The following GPD2 variants were observed in gnomAD, a reference collection of about 807,000 sequenced individuals.
The protein encoded by GPD2 is glycerol-3-phosphate dehydrogenase 2.
GPD2 carries 54 observed loss-of-function variants against 82.4 expected under a neutral mutation model. The observed-to-expected ratio is 0.66, with a 90% confidence interval of 0.53 to 0.82. GPD2 has a LOEUF of 0.82. Among genes scored for constraint, GPD2 ranks in the 40% least tolerant of loss-of-function variants. The probability of loss-of-function intolerance (pLI) is 0.00; values close to 1 mark genes in which losing one functional copy is unlikely to be tolerated. For synonymous variants in GPD2, 288 were observed against 306.1 expected (o/e 0.94, Z 0.62); for missense variants, 748 against 896.2 (o/e 0.83, Z 2.11).
chr2:156,500,250 T>G (rs1684539627), intron 3 of GPD2, among the ~76,000 whole-genome samples: 2 of 152,186 alleles, frequency 1.3e-5, no homozygotes, highest in Non-Finnish European at 2.9e-5. Context: ...AACTTTAGCT[T>G]GTATTTCTCT....
At chr2:156,476,381 G>A (rs1480242771) in intron 2 of GPD2, among the ~76,000 whole-genome samples, 174 bp downstream of exon 2, 1 of 152,228 alleles carries the variant, frequency 6.6e-6, no homozygotes, top group East Asian at 1.9e-4. Context: ...AGAACTGTGT[G>A]TATCTCCTTT....
At chr2:156,526,296 C>T (rs1685604656) in intron 6 of GPD2, among the ~76,000 whole-genome samples, 1 of 152,220 alleles carries the variant, frequency 6.6e-6, no homozygotes, top group East Asian at 1.9e-4. Context: ...AACAATGACA[C>T]ATCCACTAGT....
At chr2:156,492,280 A>G (rs991489301) in intron 2 of GPD2, among the ~76,000 whole-genome samples, 1 of 145,598 alleles carries the variant, frequency 6.9e-6, no homozygotes, top group African/African-American at 2.6e-5. Context: ...CAGCCTCCTG[A>G]GTAGCTGGAA....
At chr2:156,501,575 A>T (rs1684586069) in intron 3 of GPD2, among the ~76,000 whole-genome samples, 1 of 152,132 alleles carries the variant, frequency 6.6e-6, no homozygotes, top group Non-Finnish European at 1.5e-5. Flanking sequence ...GAAAAGGGAG[A>T]GCCTTGGAGA....
At chr2:156,512,461 T>A in intron 5 of GPD2, 144 bp downstream of exon 5, 1 of 677,220 alleles carries the variant, frequency 1.5e-6, no homozygotes. Context: ...GTATTTTCCT[T>A]TGTTGTATTT....
intron 1 of GPD2, among the ~76,000 whole-genome samples, chr2:156,475,337 CT>C (rs769679857): frequency 2.2e-4 from 33 of 150,980 alleles, no homozygotes; most frequent in South Asian, 2.1e-4. Flanking sequence ...AAAGTATACT[CT>C]TTTTTTTTGA....
upstream of GPD2, among the ~76,000 whole-genome samples, chr2:156,434,480 TATTA>T (rs1388762194): frequency 2.0e-5 from 3 of 152,098 alleles, no homozygotes; most frequent in Non-Finnish European, 4.4e-5. Context: ...AAAAACAAAC[TATTA>T]ATTGTCTATA....
At chr2:156,458,832 G>A (rs1465086735) in intron 1 of GPD2, among the ~76,000 whole-genome samples, 1 of 151,764 alleles carries the variant, frequency 6.6e-6, no homozygotes, top group African/African-American at 2.4e-5. Context: ...CTAATTACAA[G>A]AATAATTCAT....
chr2:156,403,612 G>GT, the GPD2 span, among the ~76,000 whole-genome samples: 1 of 148,008 alleles, frequency 6.8e-6, no homozygotes, highest in African/African-American at 2.5e-5. Flanking sequence ...GCATTCAAAG[G>GT]GTGTGTGTGT....
upstream of GPD2, among the ~76,000 whole-genome samples, chr2:156,434,300 C>T (rs1004167920): frequency 2.0e-5 from 3 of 152,068 alleles, no homozygotes; most frequent in Admixed American, 2.0e-4. Flanking sequence ...GATAGGGTTT[C>T]ACCATGTTGG....
rs188342312 is a variant in GPD2 at position 156,474,891 on chromosome 2, G to A, written c.-8-1207G>A. 2.0e-4 allele frequency among the ~76,000 whole-genome samples: 30 copies of A among 151,218 alleles called. No homozygotes were observed. The Middle Eastern group carries it at 0.017, about 86-fold the overall frequency. ...AGCACTTTGGGAAGCCAAGGTAGGA[G>A]ATTGCTTGAGTCCAGTTTGGGCAAC... On this transcript the variant is annotated intron_variant, in intron 1 of 16. Coordinates refer to ENST00000438166, the MANE Select transcript of GPD2 (RefSeq NM_000408.5).
chr2:156,455,744 A>AT (rs1255799284), intron 1 of GPD2, among the ~76,000 whole-genome samples: 1 of 25,272 alleles, frequency 4.0e-5, no homozygotes, highest in African/African-American at 4.9e-5. Flanking sequence ...CCTTGTCCTT[A>AT]TTTTTATCAT....
chr2:156,582,960 A>G lies in GPD2; in HGVS notation c.*42A>G. The G allele has an allele frequency of 6.2e-7, 1 of 1,607,684 alleles. No individual in the cohort carries two copies. The highest frequency in any genetic ancestry group is 8.5e-7 in the Non-Finnish European group (1 of 1,174,844). ...CACAGCCAACAAACATAGAAACGAC[A>G]AATCACCATGTAACAACCAGAGATG... On this transcript the variant is annotated 3_prime_UTR_variant, in exon 17 of 17. Transcript: ENST00000438166.
chr2:156,551,476 C>G (rs902783883), intron 8 of GPD2, among the ~76,000 whole-genome samples: 1 of 152,052 alleles, frequency 6.6e-6, no homozygotes, highest in Non-Finnish European at 1.5e-5. Flanking sequence ...AGAAGAAATT[C>G]GTATGGCCAT....
intron 1 of GPD2, among the ~76,000 whole-genome samples, chr2:156,459,600 A>G (rs1291562038): frequency 7.0e-6 from 1 of 143,258 alleles, no homozygotes; most frequent in African/African-American, 2.6e-5. Context: ...ATGCAGGAGA[A>G]TCGCTTGAAC....
the GPD2 span, among the ~76,000 whole-genome samples, chr2:156,430,168 T>C: frequency 6.6e-6 from 1 of 152,196 alleles, no homozygotes; most frequent in Admixed American, 6.5e-5. Flanking sequence ...ATGCTTGTGA[T>C]CTAGGGAGGA....
intron 13 of GPD2, among the ~76,000 whole-genome samples, chr2:156,573,755 A>C (rs943771171): frequency 2.0e-5 from 3 of 152,170 alleles, no homozygotes; most frequent in African/African-American, 7.2e-5. Context: ...GAGATGTAGG[A>C]GTATTAATGA....
chr2:156,453,634 C>G (rs1003620676), intron 1 of GPD2, among the ~76,000 whole-genome samples: 3 of 152,056 alleles, frequency 2.0e-5, no homozygotes, highest in Non-Finnish European at 4.4e-5. Flanking sequence ...CCCAGCACTT[C>G]GGGAGGCTGA....
At chr2:156,436,278 C>CG (rs1421640844), upstream of GPD2, 3 of 152,736 alleles carry the variant, frequency 2.0e-5, no homozygotes, top group Admixed American at 6.5e-5. Flanking sequence ...GTCAGGCCTC[C>CG]GGGAGGGAGC....
Sources: gnomAD v4.1 joint callset for allele counts (sites outside exome capture counted in the v4.1 genomes callset) on GRCh38, gnomAD v4.1.1 for gene constraint, MANE v1.5 for transcripts, NCBI Gene and HGNC (gene_info 2026-07-23, HGNC 2026-07-21) for gene names.